TNIK: variants seen among roughly 807,000 people sequenced by gnomAD.
TNIK encodes TRAF2 and NCK-interacting protein kinase.
A neutral mutation model predicts 191.3 loss-of-function variants in TNIK; 49 were observed. The observed-to-expected ratio is 0.26, with a 90% CI of 0.20 to 0.32. TNIK has a LOEUF of 0.32. TNIK is among the 10% of genes least tolerant of loss of function. TNIK has a pLI of 1.00. For missense variants in TNIK, 1,155 were observed against 1,702.3 expected, an observed-to-expected ratio of 0.68 and a Z score of 5.66; for synonymous variants, 594 against 600.9, an observed-to-expected ratio of 0.99 and a Z score of 0.17.
chr3:171,084,887 T>C (rs1560087324), intron 25 of TNIK, among the ~76,000 whole-genome samples: 1 of 152,176 alleles, frequency 6.6e-6, no homozygotes, highest in Non-Finnish European at 1.5e-5. Context: ...AGGGTCCCTA[T>C]GTACCCCTGG....
chr3:171,188,624 T>C, intron 7 of TNIK, 78 bp downstream of exon 7: 3 of 1,538,292 alleles, frequency 2.0e-6, no homozygotes, highest in South Asian at 1.3e-5. Context: ...AAATCATAAA[T>C]ATAAGGGCAT....
Position 171,101,596 on chromosome 3 carries a change from C to A in TNIK, c.2444G>T (p.Arg815Leu). Reference protein sequence around the residue: ...TALAKELRELRIEETNRPMKK... With the variant: ...TALAKELRELLIEETNRPMKK... ...CATTGGGCGGTTTGTTTCTTCAATC[C>A]GGAGTTCTCTTAGTTCTTTGGCTAA... is the stretch of plus-strand genomic sequence containing the variant. The change falls in exon 22 of 33, where the codon CGG becomes CTG. Residue 815 changes from arginine (R) to leucine (L), a missense_variant. By Grantham distance (102) the Arg-to-Leu change is moderately radical (BLOSUM62 -2). Transcript: ENST00000436636. 1 of 1,613,128 alleles carries A rather than the reference C, an allele frequency of 6.2e-7. No individual in the cohort carries two copies. The highest frequency in any genetic ancestry group is 8.5e-7 in the Non-Finnish European group (1 of 1,179,444).
chr3:171,204,142 ATGT>A (rs1478238326), intron 4 of TNIK, among the ~76,000 whole-genome samples: 3 of 152,174 alleles, frequency 2.0e-5, no homozygotes, highest in African/African-American at 7.2e-5. Flanking sequence ...GCAGAATGAG[ATGT>A]TGTGTGTCAG....
At chr3:171,321,997 A>G (rs1162715289) in intron 2 of TNIK, among the ~76,000 whole-genome samples, 1 of 152,168 alleles carries the variant, frequency 6.6e-6, no homozygotes, top group Non-Finnish European at 1.5e-5. Flanking sequence ...TTTTAGTCAG[A>G]AATGTATTCT....
chr3:171,424,484 T>C (rs1445418223), intron 1 of TNIK, among the ~76,000 whole-genome samples: 1 of 152,140 alleles, frequency 6.6e-6, no homozygotes, highest in Non-Finnish European at 1.5e-5. Context: ...CATTACTGGG[T>C]ATATACCCAA....
At chr3:171,187,872 A>G (rs1328661838) in intron 7 of TNIK, among the ~76,000 whole-genome samples, 3 of 152,178 alleles carry the variant, frequency 2.0e-5, no homozygotes, top group African/African-American at 7.2e-5. Context: ...CCTGTAATGT[A>G]CACAAAGACC....
intron 1 of TNIK, among the ~76,000 whole-genome samples, chr3:171,404,464 A>T (rs535047800): frequency 1.3e-5 from 2 of 152,228 alleles, no homozygotes; most frequent in East Asian, 3.9e-4. Flanking sequence ...TCATTAAGAA[A>T]TCATGAACAA....
chr3:171,190,386 A>G (rs1176833533), intron 6 of TNIK, among the ~76,000 whole-genome samples: 2 of 152,224 alleles, frequency 1.3e-5, no homozygotes, highest in African/African-American at 4.8e-5. Flanking sequence ...CAGCAACAGT[A>G]TAAACAAACT....
intron 21 of TNIK, among the ~76,000 whole-genome samples, chr3:171,106,359 C>CAGTT (rs1261618406): frequency 6.6e-6 from 1 of 152,150 alleles, no homozygotes; most frequent in African/African-American, 2.4e-5. Context: ...TAGTCTCAGC[C>CAGTT]AGTTATTTAC....
chr3:171,159,060 T>C lies in TNIK; in HGVS notation c.1017-1396A>G, dbSNP rs575045723. On this transcript the variant is annotated intron_variant, in intron 11 of 32. Coordinates refer to ENST00000436636, the MANE Select transcript of TNIK (RefSeq NM_015028.4). The surrounding 1 kb of genome is among the most constrained non-coding windows in gnomAD (Gnocchi z 4.1). ...CAGCCATGCAGGCACGGGAAGGTTT[T>C]ATGCAGAAGAGCAACATGAGCAGAT... is the stretch of plus-strand genomic sequence containing the variant. Among the ~76,000 whole-genome samples the C allele has an allele frequency of 6.6e-6, 1 of 152,236 alleles. No individual in the cohort carries two copies. The highest frequency in any genetic ancestry group is 1.9e-4 in the East Asian group (1 of 5,168).
chr3:171,334,467 G>A (rs532553163), intron 2 of TNIK, among the ~76,000 whole-genome samples: 15 of 152,280 alleles, frequency 9.9e-5, no homozygotes, highest in East Asian at 3.9e-4. Context: ...AGAGACCTGC[G>A]AGGACCTAGA....
intron 12 of TNIK, among the ~76,000 whole-genome samples, chr3:171,143,471 G>A (rs1024073529): frequency 6.6e-6 from 1 of 152,216 alleles, no homozygotes; most frequent in African/African-American, 2.4e-5. Flanking sequence ...CGGGGGCCTG[G>A]CACCTGGCAG....
intron 1 of TNIK, among the ~76,000 whole-genome samples, chr3:171,433,937 CTTTTTTTT>C (rs67036993): frequency 7.0e-5 from 5 of 71,114 alleles, no homozygotes; most frequent in Admixed American, 2.2e-4. Flanking sequence ...TTTCTTTTTC[CTTTTTTTT>C]TTTTTTTTTT....
chr3:171,150,646 A>G (rs1732314337), intron 12 of TNIK, among the ~76,000 whole-genome samples: 1 of 152,212 alleles, frequency 6.6e-6, no homozygotes, highest in Admixed American at 6.5e-5. Context: ...CTCCAGGGGA[A>G]GGTTCTCTAG....
intron 3 of TNIK, among the ~76,000 whole-genome samples, chr3:171,225,876 T>G (rs1350408998): frequency 6.6e-6 from 1 of 152,172 alleles, no homozygotes; most frequent in East Asian, 1.9e-4. Context: ...ACAGCATGAA[T>G]GTCTTGGACT....
At chr3:171,327,928 A>AAAAAAAAAAAAAAAAAAAAAAAC (rs1560433753) in intron 2 of TNIK, among the ~76,000 whole-genome samples, 1 of 129,466 alleles carries the variant, frequency 7.7e-6, no homozygotes, top group African/African-American at 3.2e-5. Flanking sequence ...AAAAAAAAAA[A>AAAAAAAAAAAAAAAAAAAAAAAC]AAATCACTTG....
chr3:171,384,741 T>C (rs914013181), intron 1 of TNIK, among the ~76,000 whole-genome samples: 1 of 152,166 alleles, frequency 6.6e-6, no homozygotes, highest in Non-Finnish European at 1.5e-5. Context: ...TTAGTAAAAA[T>C]AGATTAAAAT....
intron 2 of TNIK, among the ~76,000 whole-genome samples, chr3:171,325,386 G>C (rs1755637347): frequency 6.6e-6 from 1 of 152,082 alleles, no homozygotes; most frequent in South Asian, 2.1e-4. Flanking sequence ...CTTTGCCATA[G>C]TCACATGAGT....
At chr3:171,426,614 G>C (rs971652852) in intron 1 of TNIK, among the ~76,000 whole-genome samples, 3 of 152,120 alleles carry the variant, frequency 2.0e-5, no homozygotes, top group African/African-American at 7.2e-5. Context: ...ACAGGAATGA[G>C]TTTTATTCAG....
Sources: allele counts gnomAD v4.1 joint callset (sites outside exome capture counted in the v4.1 genomes callset), GRCh38; gene constraint gnomAD v4.1.1; non-coding constraint Gnocchi (gnomAD v3.1); transcripts MANE v1.5; gene names NCBI Gene and HGNC (gene_info 2026-07-23, HGNC 2026-07-21).